NKD2: variants seen among roughly 807,000 people sequenced by gnomAD.
The protein encoded by NKD2 is protein naked cuticle homolog 2.
A neutral mutation model predicts 34.8 loss-of-function variants in NKD2; 43 were observed. The observed-to-expected ratio is 1.24, with a 90% CI of 0.97 to 1.60. NKD2 has a LOEUF of 1.60. Ranked by LOEUF, NKD2 falls within the 40% of genes most tolerant of loss-of-function variation. The pLI is 0.00. For synonymous variants in NKD2, 278 were observed against 265.1 expected (o/e 1.05, Z -0.47); for missense variants, 675 against 627.1 (o/e 1.08, Z -0.82).
intron 9 of NKD2, chr5:1,037,531 T>A: frequency 3.3e-6 from 5 of 1,535,848 alleles, no homozygotes; most frequent in Non-Finnish European, 4.4e-6. Context: ...GTCTCAGCTG[T>A]GCGAGAAGAG....
chr5:1,028,772 C>T (rs1416354623), intron 3 of NKD2, among the ~76,000 whole-genome samples: 1 of 147,472 alleles, frequency 6.8e-6, no homozygotes, highest in Admixed American at 6.8e-5. Flanking sequence ...GGGACAGGGC[C>T]AGAGGGATTG....
chr5:1,036,228 G>C lies in NKD2; in HGVS notation c.660-29G>C, dbSNP rs779848588. 1.9e-6 allele frequency: 3 copies of C among 1,561,342 alleles called. No individual in the cohort carries two copies. In the East Asian group the frequency reaches 6.9e-5, roughly 36 times the overall value. ...GGGTGCGCCACCCAGTCTGTGCGGG[G>C]GTCAGGCCCTTCTCTGTGCTCCAAG... On this transcript the variant is annotated intron_variant, in intron 8 of 9. Coordinates refer to ENST00000296849, the MANE Select transcript of NKD2 (RefSeq NM_033120.4).
intron 3 of NKD2, 65 bp from the exon 4 acceptor site, chr5:1,032,084 GCTC>G: frequency 7.7e-7 from 1 of 1,294,180 alleles, no homozygotes; most frequent in South Asian, 1.2e-5. Context: ...GCCGCCCAGA[GCTC>G]CTGCCCATCT....
chr5:1,027,783 T>C (rs1756480594), intron 3 of NKD2, among the ~76,000 whole-genome samples: 1 of 152,218 alleles, frequency 6.6e-6, no homozygotes, highest in South Asian at 2.1e-4. Flanking sequence ...TCCTTGCATT[T>C]GCGAGACCTG....
At chr5:1,020,325 G>A (rs760624033) in intron 3 of NKD2, among the ~76,000 whole-genome samples, 119 of 152,152 alleles carry the variant, frequency 7.8e-4, no homozygotes, top group Admixed American at 2.0e-3. Context: ...GAGTACACAC[G>A]TGTATACATA....
At position 1,034,331 on chromosome 5, in the gene NKD2, G is replaced by A. The variant is rs1481553852; in HGVS notation, c.426+1G>A. ...CAACTGCGGGAAGGTCACCAGGGAGGTAGGTGAGCTTGTGTTTGCGTCAGG... is the reference window on the plus strand; with the variant it reads ...CAACTGCGGGAAGGTCACCAGGGAGATAGGTGAGCTTGTGTTTGCGTCAGG... On this transcript the variant is annotated splice_donor_variant, in intron 6 of 9. Coordinates refer to ENST00000296849, the MANE Select transcript of NKD2 (RefSeq NM_033120.4). LOFTEE classifies it high-confidence loss of function. The A allele has an allele frequency of 1.6e-5, 26 of 1,610,636 alleles. No individual in the cohort carries two copies. The highest frequency in any genetic ancestry group is 6.7e-5 in the East Asian group (3 of 44,862).
chr5:1,017,432 T>A (rs2150730176), intron 3 of NKD2, among the ~76,000 whole-genome samples: 1 of 152,346 alleles, frequency 6.6e-6, no homozygotes, highest in South Asian at 2.1e-4. Context: ...GCCATTTCAG[T>A]GGCCCTGATT....
At chr5:1,012,467 C>A (rs1374329501) in intron 3 of NKD2, among the ~76,000 whole-genome samples, 4 of 152,250 alleles carry the variant, frequency 2.6e-5, no homozygotes, top group African/African-American at 9.6e-5. Context: ...CATCCCCATG[C>A]CACGGCCCTT....
chr5:1,038,183 G>T lies in NKD2; in HGVS notation c.1166G>T (p.Gly389Val). ...PYGHKRYRQK[G>V]REGHSPLKAP... ...GGCCACAAGCGGTACCGCCAAAAGGGCAGGGAGGGCCACTCGCCACTCAAG... is the reference window on the plus strand; with the variant it reads ...GGCCACAAGCGGTACCGCCAAAAGGTCAGGGAGGGCCACTCGCCACTCAAG... Residue 389 changes from glycine (G) to valine (V), a missense_variant, in exon 10 of 10, where the codon GGC becomes GTC. Coordinates refer to ENST00000296849, the MANE Select transcript of NKD2 (RefSeq NM_033120.4). This position sits in a 1 kb window ranked among gnomAD's most constrained non-coding sequence, Gnocchi z 4.5. 6.3e-7 allele frequency: 1 copy of T among 1,588,150 alleles called. No homozygotes were observed. The highest frequency in any genetic ancestry group is 8.6e-7 in the Non-Finnish European group (1 of 1,169,102).
intron 6 of NKD2, 59 bp downstream of exon 6, chr5:1,034,389 T>C (rs1733718048): frequency 7.2e-7 from 1 of 1,398,346 alleles, no homozygotes; most frequent in South Asian, 1.2e-5. Flanking sequence ...GCAGACAGAC[T>C]GTGCTGGCCT....
At chr5:1,028,256 C>A (rs1178459166) in intron 3 of NKD2, among the ~76,000 whole-genome samples, 4 of 152,272 alleles carry the variant, frequency 2.6e-5, no homozygotes, top group Middle Eastern at 3.4e-3. Flanking sequence ...GCTCACAGAC[C>A]AGGGTGGCCT....
At chr5:1,031,457 C>T (rs1019792509) in intron 3 of NKD2, among the ~76,000 whole-genome samples, 9 of 152,138 alleles carry the variant, frequency 5.9e-5, no homozygotes, top group Non-Finnish European at 1.0e-4. Flanking sequence ...CCATCCCTCC[C>T]GCCCGCCTGC....
Position 1,037,959 on chromosome 5 carries a change from C to T in NKD2, c.942C>T (p.Ala314=), listed in dbSNP as rs746336541. The part of the protein sequence containing the change: ...EHVVPASEPA[A]RALDTQPRPK... Reference sequence around the variant, plus strand: ...TCGTGCCAGCCTCGGAGCCTGCTGCCCGGGCCCTGGACACGCAGCCCCGGC... The same window carrying T: ...TCGTGCCAGCCTCGGAGCCTGCTGCTCGGGCCCTGGACACGCAGCCCCGGC... The change falls in exon 10 of 10, where the codon GCC becomes GCT. Residue 314 remains alanine (A), a synonymous_variant. Transcript: ENST00000296849. 1.9e-6 allele frequency: 3 copies of T among 1,605,984 alleles called. No homozygotes were observed. Among genetic ancestry groups the T allele is most frequent in the East Asian group, 4.5e-5 (2 of 44,698 alleles).
At chr5:1,011,210 AT>A (rs1755737661) in intron 3 of NKD2, among the ~76,000 whole-genome samples, 1 of 152,202 alleles carries the variant, frequency 6.6e-6, no homozygotes. Context: ...AATTAAATAC[AT>A]TTCAGCTTTC....
At chr5:1,016,727 G>A (rs10067002) in intron 3 of NKD2, among the ~76,000 whole-genome samples, 110,628 of 152,128 alleles carry the variant, frequency 0.73, 45,431 homozygotes, top group South Asian at 0.91. Flanking sequence ...GGTCCTGCGT[G>A]GATGTACTTC....
chr5:1,037,819 C>T lies in NKD2; in HGVS notation c.802C>T (p.Gln268Ter), dbSNP rs749179665. 1 of 1,576,240 alleles carries T rather than the reference C, an allele frequency of 6.3e-7. No individual in the cohort carries two copies. The highest frequency in any genetic ancestry group is 2.2e-5 in the East Asian group (1 of 44,524). Residue 268 changes from glutamine to a stop codon, truncating the protein, a stop_gained, in exon 10 of 10, where the codon CAA becomes TAA. Transcript: ENST00000296849. LOFTEE classifies it low-confidence loss of function (END_TRUNC). The part of the protein sequence containing the change: ...SRFGPGSPPV[Q>*]AKQEPQGRAS... The stretch of plus-strand genomic sequence containing the variant: ...TGTGTCCGCAGGGTCCCCTCCTGTG[C>T]AAGCAAAGCAGGAGCCCCAGGGCAG...
In NKD2 at chr5:1,008,805, G is replaced by A. The variant is rs191447482; in HGVS notation, c.-253G>A. 11,742 of 202,970 alleles carry A rather than the reference G, an allele frequency of 0.058. 1,213 individuals are homozygous for A. Among genetic ancestry groups the A allele is most frequent in the African/African-American group, 0.24 (10,020 of 42,616 alleles). The allele number at this position is 202,970 out of a possible 1,614,324, so 12.6% of individuals were successfully genotyped here. Reference sequence around the variant, plus strand: ...CCCGGCGCGGGCGCACGCGCTCAGAGGGAGCCGGGCCGCCGTCGCTGCCGC... The same window carrying A: ...CCCGGCGCGGGCGCACGCGCTCAGAAGGAGCCGGGCCGCCGTCGCTGCCGC... On this transcript the variant is annotated 5_prime_UTR_variant, in exon 1 of 10. Coordinates refer to ENST00000296849, the MANE Select transcript of NKD2 (RefSeq NM_033120.4).
rs1342570163 is a variant in NKD2 at position 1,009,556 on chromosome 5, A to G, written c.137A>G (p.Lys46Arg). 2.7e-6 allele frequency: 4 copies of G among 1,483,860 alleles called. No individual in the cohort carries two copies. Among genetic ancestry groups the G allele is most frequent in the South Asian group, 1.3e-5 (1 of 78,250 alleles). 91.9% of individuals were successfully genotyped at this position (1,483,860 alleles called of 1,614,324 possible). A position where few individuals can be genotyped will look rare whatever the true frequency, so the allele number is the denominator to read the frequency against. ...GAAGCGGAGCGGCGCGCGCGGGACA[A>G]GCAGGTAGGCGGCGGGGCGGAGGCT... ...AEEAERRARD[K>R]QELPNGDPKE... The change falls in exon 3 of 10, where the codon AAG becomes AGG. Residue 46 changes from lysine to arginine, a missense_variant. Coordinates refer to ENST00000296849, the MANE Select transcript of NKD2 (RefSeq NM_033120.4). The surrounding 1 kb of genome is among the most constrained non-coding windows in gnomAD (Gnocchi z 6.9).
intron 3 of NKD2, among the ~76,000 whole-genome samples, chr5:1,014,666 G>T (rs1023145823): frequency 5.3e-5 from 8 of 152,220 alleles, no homozygotes; most frequent in African/African-American, 1.9e-4. Context: ...CACACACCTT[G>T]CCACTGTCCT....
Sources: gnomAD v4.1 joint callset for allele counts (sites outside exome capture counted in the v4.1 genomes callset) on GRCh38, gnomAD v4.1.1 for gene constraint, Gnocchi (gnomAD v3.1) non-coding constraint, MANE v1.5 for transcripts, NCBI Gene and HGNC (gene_info 2026-07-23, HGNC 2026-07-21) for gene names.